NUP93: variants seen among roughly 807,000 people sequenced by gnomAD.
The protein encoded by NUP93 is nuclear pore complex protein Nup93.
NUP93 carries 55 observed loss-of-function variants against 107.8 expected under a neutral mutation model. That is an observed-to-expected ratio of 0.51 (90% CI 0.41 to 0.64). NUP93 has a LOEUF of 0.64. Among genes scored for constraint, NUP93 ranks in the 30% least tolerant of loss-of-function variants. NUP93 has a pLI of 0.00. For missense variants in NUP93, 937 were observed against 1,044.7 expected (o/e 0.90, Z 1.42); for synonymous variants, 390 against 397.5 (o/e 0.98, Z 0.22).
intron 3 of NUP93, among the ~76,000 whole-genome samples, chr16:56,778,139 C>T (rs1350335770): frequency 6.6e-6 from 1 of 152,110 alleles, no homozygotes; most frequent in Non-Finnish European, 1.5e-5. Flanking sequence ...ATTCTAAATG[C>T]CATGGGAATT....
At position 56,843,779 on chromosome 16, in the gene NUP93, A is replaced by G. The variant is rs548117613; in HGVS notation, c.2350-720A>G. Among the ~76,000 whole-genome samples, 6 of 152,368 alleles carry G rather than the reference A, an allele frequency of 3.9e-5. No homozygotes were observed. In the East Asian group the frequency reaches 1.2e-3, roughly 29 times the overall value. On this transcript the variant is annotated intron_variant, in intron 21 of 21. Transcript: ENST00000308159. ...CCGTTTTCTTCTGGAATGGTCCTTAAGTAAGCCTAGTAGATGACTCCTCAG... is the reference window on the plus strand; with the variant it reads ...CCGTTTTCTTCTGGAATGGTCCTTAGGTAAGCCTAGTAGATGACTCCTCAG...
intron 1 of NUP93, among the ~76,000 whole-genome samples, chr16:56,745,958 C>T (rs904735436): frequency 3.9e-5 from 6 of 152,188 alleles, no homozygotes; most frequent in Middle Eastern, 3.2e-3. Context: ...TTTCCTTTGT[C>T]TGACGTAGGA....
intron 3 of NUP93, among the ~76,000 whole-genome samples, chr16:56,796,153 A>T (rs1962893655): frequency 6.6e-6 from 1 of 152,152 alleles, no homozygotes; most frequent in Non-Finnish European, 1.5e-5. Flanking sequence ...TGCCTCCCCC[A>T]CCTTCTTAAA....
intron 3 of NUP93, among the ~76,000 whole-genome samples, chr16:56,791,915 T>C (rs1377915888): frequency 6.6e-6 from 1 of 152,238 alleles, no homozygotes; most frequent in Non-Finnish European, 1.5e-5. Flanking sequence ...GAGTTCAAGC[T>C]TTTAGACTGT....
chr16:56,804,427 C>G (rs1245723141), intron 4 of NUP93, among the ~76,000 whole-genome samples: 4 of 152,130 alleles, frequency 2.6e-5, no homozygotes, highest in African/African-American at 9.7e-5. Flanking sequence ...GGACATTATG[C>G]TGATTGTCTC....
intron 3 of NUP93, among the ~76,000 whole-genome samples, chr16:56,758,897 A>T (rs1379684517): frequency 6.6e-6 from 1 of 152,216 alleles, no homozygotes. Context: ...TTAGATTATT[A>T]TAATTAGGAG....
intron 3 of NUP93, among the ~76,000 whole-genome samples, chr16:56,784,852 G>A (rs770791585): frequency 3.3e-5 from 5 of 152,118 alleles, no homozygotes; most frequent in Non-Finnish European, 5.9e-5. Context: ...CCTACTCACT[G>A]AGTGCTGTCT....
At chr16:56,818,830 C>A in intron 6 of NUP93, 92 bp downstream of exon 6, 1 of 1,052,250 alleles carries the variant, frequency 9.5e-7, no homozygotes, top group Non-Finnish European at 1.4e-6. Context: ...AAGTCAAACC[C>A]TGAAAGCAAG....
chr16:56,834,685 T>G, intron 15 of NUP93, 49 bp from the exon 16 acceptor site: 1 of 1,522,616 alleles, frequency 6.6e-7, no homozygotes, highest in Non-Finnish European at 9.1e-7. Flanking sequence ...TTATGGAATA[T>G]GTTTATATCT....
chr16:56,740,064 C>T (rs1280801879), intron 1 of NUP93, among the ~76,000 whole-genome samples: 4 of 98,958 alleles, frequency 4.0e-5, no homozygotes, highest in Non-Finnish European at 6.1e-5. Context: ...GGCGGCTGGC[C>T]GGGCGGAGGG....
chr16:56,750,640 A>G (rs1475587821), intron 2 of NUP93, among the ~76,000 whole-genome samples: 1 of 152,188 alleles, frequency 6.6e-6, no homozygotes, highest in African/African-American at 2.4e-5. Flanking sequence ...TTTACAGCCC[A>G]TGAGCCACAT....
rs1474400096 is a variant in NUP93 at position 56,846,459 on chromosome 16, C to G, written c.*1850C>G. On this transcript the variant is annotated 3_prime_UTR_variant, in exon 22 of 22. Transcript: ENST00000308159. ...GTGCAGTGGCTCACGCCTGTAACCC[C>G]AGCACTTTGGGAGGCCAAGGCAGGC... 1 of 150,314 alleles carries G rather than the reference C, an allele frequency of 6.7e-6. No individual in the cohort carries two copies. The highest frequency in any genetic ancestry group is 2.5e-5 in the African/African-American group (1 of 40,690). 9.3% of individuals were successfully genotyped at this position (150,314 alleles called of 1,614,324 possible).
rs762345481 is a variant in NUP93 at position 56,823,766 on chromosome 16, A to C, written c.714A>C (p.Ala238=). 2.8e-5 allele frequency: 45 copies of C among 1,614,112 alleles called. No homozygotes were observed. Among genetic ancestry groups the C allele is most frequent in the Non-Finnish European group, 3.5e-5 (41 of 1,180,026 alleles). The change falls in exon 8 of 22, where the codon GCA becomes GCC. Residue 238 remains alanine (A), a synonymous_variant. Coordinates refer to ENST00000308159, the MANE Select transcript of NUP93 (RefSeq NM_014669.5). The part of the protein sequence containing the change: ...KQMTDVLLTP[A]TDALKNRSSV... ...TGACAGACGTGTTGTTGACACCGGC[A>C]ACGGATGCCCTGAAGAACCGCAGCA...
intron 3 of NUP93, among the ~76,000 whole-genome samples, chr16:56,775,962 A>G (rs1225075115): frequency 6.6e-6 from 1 of 151,890 alleles, no homozygotes; most frequent in East Asian, 1.9e-4. Flanking sequence ...AATTCATTTT[A>G]CTGTCATTTC....
At chr16:56,831,504 G>A (rs1402747755) in intron 10 of NUP93, 1 of 189,878 alleles carries the variant, frequency 5.3e-6, no homozygotes, top group East Asian at 1.4e-4. Flanking sequence ...GGCCAGGGAG[G>A]GGCTAAGACA....
At chr16:56,836,560 C>T in intron 16 of NUP93, 41 bp from the exon 17 acceptor site, 1 of 1,179,468 alleles carries the variant, frequency 8.5e-7, no homozygotes, top group Non-Finnish European at 1.3e-6. Flanking sequence ...CTCTGTGCAC[C>T]CGTCTCTCTC....
rs770464790 is a variant in NUP93, at chr16:56,834,245, A to C, written c.1655A>C (p.Tyr552Ser). The C allele has an allele frequency of 5.0e-6, 8 of 1,614,074 alleles. No homozygotes were observed. The highest frequency in any genetic ancestry group is 1.7e-5 in the Admixed American group (1 of 60,022). Residue 552 changes from tyrosine to serine, a missense_variant, in exon 14 of 22, where the codon TAT (tyrosine) becomes TCT (serine). Transcript: ENST00000308159. ...CCAAGGGAGGCCCTCCAGTACTTCTATTTCCTCAGGTAACATTTGCTTTTG... is the reference window on the plus strand; with the variant it reads ...CCAAGGGAGGCCCTCCAGTACTTCTCTTTCCTCAGGTAACATTTGCTTTTG... Reference protein sequence around the residue: ...TDPREALQYFYFLRDEKDSQG... With the variant: ...TDPREALQYFSFLRDEKDSQG...
chr16:56,828,698 A>G (rs149027457), intron 8 of NUP93, among the ~76,000 whole-genome samples: 1 of 152,364 alleles, frequency 6.6e-6, no homozygotes, highest in Non-Finnish European at 1.5e-5. Flanking sequence ...AGCAATTATT[A>G]TTCTGTATAT....
intron 3 of NUP93, among the ~76,000 whole-genome samples, chr16:56,759,428 C>G (rs1962085140): frequency 1.3e-5 from 2 of 152,212 alleles, no homozygotes; most frequent in South Asian, 4.1e-4. Context: ...AATTAATACT[C>G]TCTATCCTAG....
Sources: gnomAD v4.1 joint callset for allele counts (sites outside exome capture counted in the v4.1 genomes callset) on GRCh38, gnomAD v4.1.1 for gene constraint, MANE v1.5 for transcripts, NCBI Gene and HGNC (gene_info 2026-07-23, HGNC 2026-07-21) for gene names.